Variants in XPR1 observed in about 807,000 individuals in gnomAD.
XPR1 encodes xenotropic and polytropic retrovirus receptor 1, also known as solute carrier family 53 member 1.
In XPR1, 28 loss-of-function variants were observed where a neutral mutation model predicts 87.5. That is an observed-to-expected ratio of 0.32 (90% CI 0.24 to 0.44). XPR1 has a LOEUF of 0.44. XPR1 is among the 20% of genes least tolerant of loss of function. XPR1 has a pLI of 1.00. For synonymous variants in XPR1, 300 were observed against 306.1 expected (o/e 0.98, Z 0.21); for missense variants, 559 against 862.3 (o/e 0.65, Z 4.41).
chr1:180,714,356 T>TCTCTCTCTCC (rs1557970739), intron 2 of XPR1, among the ~76,000 whole-genome samples: 2 of 67,596 alleles, frequency 3.0e-5, no homozygotes, highest in East Asian at 2.8e-3. Context: ...CTGTTCTCTC[T>TCTCTCTCTCC]CTCTCTCTCT....
At chr1:180,683,180 T>C (rs1364459609) in intron 2 of XPR1, among the ~76,000 whole-genome samples, 1 of 148,376 alleles carries the variant, frequency 6.7e-6, no homozygotes, top group Non-Finnish European at 1.5e-5. Context: ...GTGTTCTCAT[T>C]GTTCAATTCC....
At position 180,873,958 on chromosome 1, in the gene XPR1, A is replaced by T. The variant is rs751464210; in HGVS notation, c.1808+16A>T. The T allele has an allele frequency of 8.7e-6, 14 of 1,606,618 alleles. No homozygotes were observed. The highest frequency in any genetic ancestry group is 1.2e-5 in the Non-Finnish European group (14 of 1,176,880). ...AGGTTTTCCGGTAAGCAAACTACTG[A>T]AAAGTTTATTAAAGATTCTTTTTAA... On this transcript the variant is annotated intron_variant, in intron 13 of 14. Coordinates refer to ENST00000367590, the MANE Select transcript of XPR1 (RefSeq NM_004736.4).
intron 2 of XPR1, among the ~76,000 whole-genome samples, chr1:180,736,814 G>GT (rs1482415001): frequency 1.3e-5 from 2 of 152,106 alleles, no homozygotes; most frequent in Admixed American, 6.6e-5. Flanking sequence ...GACATTATGT[G>GT]TTCAACAGTG....
rs77004348 is a variant in XPR1 at position 180,697,757 on chromosome 1, G to A, written c.121+15346G>A. ...ATTTTCATGTATTTGTATAGATTCC[G>A]AAGTTCCTCTTGTTATTGATTTATA... On this transcript the variant is annotated intron_variant, in intron 2 of 14. Coordinates refer to ENST00000367590, the MANE Select transcript of XPR1 (RefSeq NM_004736.4). 8.5e-5 allele frequency among the ~76,000 whole-genome samples: 13 copies of A among 152,100 alleles called. No individual in the cohort carries two copies. The East Asian group carries it at 2.3e-3, about 27-fold the overall frequency.
At chr1:180,644,351 T>C (rs1655044215) in intron 1 of XPR1, among the ~76,000 whole-genome samples, 1 of 152,070 alleles carries the variant, frequency 6.6e-6, no homozygotes, top group African/African-American at 2.4e-5. Flanking sequence ...GCCGTTGTTT[T>C]GAGACTTTCC....
chr1:180,805,336 A>G (rs561897437), intron 4 of XPR1, among the ~76,000 whole-genome samples: 123 of 152,298 alleles, frequency 8.1e-4, no homozygotes, highest in Non-Finnish European at 1.6e-3. Flanking sequence ...TTGCAAATTG[A>G]GTTTTTAGCT....
intron 11 of XPR1, among the ~76,000 whole-genome samples, chr1:180,841,296 T>C (rs1448343729): frequency 1.3e-5 from 2 of 152,152 alleles, no homozygotes; most frequent in African/African-American, 2.4e-5. Flanking sequence ...TACCCTGTTA[T>C]GTGCCTTGCT....
At chr1:180,702,733 GTTTC>G (rs1235872155) in intron 2 of XPR1, among the ~76,000 whole-genome samples, 2 of 151,788 alleles carry the variant, frequency 1.3e-5, no homozygotes, top group East Asian at 3.9e-4. Flanking sequence ...TTCTCATTGA[GTTTC>G]TTTAATATTA....
chr1:180,769,633 A>G (rs1648428054), intron 2 of XPR1, among the ~76,000 whole-genome samples: 2 of 152,264 alleles, frequency 1.3e-5, no homozygotes, highest in South Asian at 4.1e-4. Context: ...TTTTATAGCT[A>G]AATAGTACTC....
At chr1:180,775,100 T>C (rs1648663086) in intron 2 of XPR1, among the ~76,000 whole-genome samples, 1 of 152,162 alleles carries the variant, frequency 6.6e-6, no homozygotes, top group South Asian at 2.1e-4. Context: ...ATGGCATGGG[T>C]GATTAAGCTT....
chr1:180,834,797 A>G (rs974860574), intron 9 of XPR1, 77 bp from the exon 10 acceptor site: 55 of 1,441,744 alleles, frequency 3.8e-5, no homozygotes, highest in Admixed American at 3.1e-4. Flanking sequence ...AATCATGCTG[A>G]ATGGTCAGAC....
intron 2 of XPR1, among the ~76,000 whole-genome samples, chr1:180,746,894 G>A (rs2102031745): frequency 6.6e-6 from 1 of 152,088 alleles, no homozygotes; most frequent in South Asian, 2.1e-4. Context: ...TTAAAAGTTT[G>A]TTGTTTTGTA....
At chr1:180,876,840 G>A (rs1262718682) in intron 13 of XPR1, among the ~76,000 whole-genome samples, 2 of 152,202 alleles carry the variant, frequency 1.3e-5, no homozygotes, top group Non-Finnish European at 2.9e-5. Context: ...AGACAAGTGT[G>A]TCTGCTGTTC....
In XPR1 at chr1:180,812,263, A is replaced by G. The variant is rs532977008; in HGVS notation, c.763+775A>G. ...ATGTTAGGGTATAGTGCTGGGCTCA[A>G]TCCTTCAATCTCCTCTGTCTATATT... On this transcript the variant is annotated intron_variant, in intron 7 of 14. Coordinates refer to ENST00000367590, the MANE Select transcript of XPR1 (RefSeq NM_004736.4). Among the ~76,000 whole-genome samples the G allele has an allele frequency of 6.6e-5, 10 of 152,294 alleles. No individual in the cohort carries two copies. In the South Asian group the frequency reaches 1.9e-3, roughly 28 times the overall value.
At chr1:180,637,487 T>TA (rs1468946670) in intron 1 of XPR1, among the ~76,000 whole-genome samples, 1 of 152,190 alleles carries the variant, frequency 6.6e-6, no homozygotes, top group Non-Finnish European at 1.5e-5. Flanking sequence ...AAATTACAGA[T>TA]AAAAACAATA....
rs1213157282 is a variant in XPR1, at chr1:180,696,169, T to C, written c.121+13758T>C. 3.3e-3 allele frequency among the ~76,000 whole-genome samples: 273 copies of C among 81,924 alleles called. 3 individuals carry two copies. The highest frequency in any genetic ancestry group is 5.3e-3 in the Non-Finnish European group (229 of 43,398). The allele number at this position is 81,924 out of a possible 152,430, so 53.7% of individuals were successfully genotyped here. On this transcript the variant is annotated intron_variant, in intron 2 of 14. Coordinates refer to ENST00000367590, the MANE Select transcript of XPR1 (RefSeq NM_004736.4). ...CCTTCGTTAAATTTATTCCTGGGTG[T>C]GTGTGTGTGTGTGTGTGTGTGTGTG...
intron 1 of XPR1, among the ~76,000 whole-genome samples, chr1:180,655,707 GT>G (rs896794976): frequency 6.6e-6 from 1 of 151,836 alleles, no homozygotes; most frequent in African/African-American, 2.4e-5. Flanking sequence ...TCTTTTTAGA[GT>G]TTTATAGCTT....
At chr1:180,836,407 G>T in intron 10 of XPR1, 115 bp from the exon 11 acceptor site, 1 of 1,049,418 alleles carries the variant, frequency 9.5e-7, no homozygotes, top group Non-Finnish European at 1.4e-6. Flanking sequence ...AGAAGAAAGT[G>T]ATTCTGAAGG....
At chr1:180,814,503 A>AT (rs1448998901) in intron 7 of XPR1, among the ~76,000 whole-genome samples, 8 of 152,338 alleles carry the variant, frequency 5.3e-5, no homozygotes, top group Non-Finnish European at 7.4e-5. Flanking sequence ...TAAGGACATC[A>AT]TTTAACTTCT....
Sources: gnomAD v4.1 joint callset for allele counts (sites outside exome capture counted in the v4.1 genomes callset) on GRCh38, gnomAD v4.1.1 for gene constraint, MANE v1.5 for transcripts, NCBI Gene and HGNC (gene_info 2026-07-23, HGNC 2026-07-21) for gene names.